STARD13: variants seen among roughly 807,000 people sequenced by gnomAD.
STARD13 encodes the protein stAR-related lipid transfer protein 13.
STARD13 carries 62 observed loss-of-function variants against 106.4 expected under a neutral mutation model. That is an observed-to-expected ratio of 0.58 (90% CI 0.48 to 0.72). STARD13 has a LOEUF of 0.72. Among genes scored for constraint, STARD13 ranks in the 30% least tolerant of loss-of-function variants. The pLI is 0.00. For missense variants in STARD13, 1,387 were observed against 1,424.0 expected, an observed-to-expected ratio of 0.97 and a Z score of 0.42; for synonymous variants, 565 against 553.0, an observed-to-expected ratio of 1.02 and a Z score of -0.31.
At chr13:33,602,088 A>C in the STARD13 span, among the ~76,000 whole-genome samples, 12 of 146,182 alleles carry the variant, frequency 8.2e-5, no homozygotes, top group Admixed American at 6.9e-4. Flanking sequence ...AACATCTAGT[A>C]ATTCTTTTTT....
At chr13:33,216,690 G>A (rs532729059) in intron 1 of STARD13, among the ~76,000 whole-genome samples, 8 of 152,156 alleles carry the variant, frequency 5.3e-5, no homozygotes, top group South Asian at 2.1e-4. Context: ...ACCAAACACC[G>A]CCTATTCTCC....
the STARD13 span, among the ~76,000 whole-genome samples, chr13:33,623,428 T>TAAAAAAAAAA: frequency 8.4e-5 from 5 of 59,282 alleles, no homozygotes; most frequent in Admixed American, 2.0e-4. Flanking sequence ...CTCAATAAAG[T>TAAAAAAAAAA]AAAAAAAAAA....
chr13:33,142,142 A>C (rs762101628), intron 4 of STARD13, among the ~76,000 whole-genome samples, 168 bp downstream of exon 4: 1 of 152,066 alleles, frequency 6.6e-6, no homozygotes, highest in Non-Finnish European at 1.5e-5. Context: ...AATGCCCCCA[A>C]CTCAGCCTCT....
chr13:33,299,680 G>A (rs1892637479), intron 1 of STARD13, among the ~76,000 whole-genome samples: 1 of 152,178 alleles, frequency 6.6e-6, no homozygotes, highest in African/African-American at 2.4e-5. Flanking sequence ...CATCTGCACT[G>A]TCCTTTTACC....
chr13:33,109,824 G>A (rs373113162), intron 12 of STARD13, 49 bp downstream of exon 12: 32 of 1,575,298 alleles, frequency 2.0e-5, no homozygotes, highest in Middle Eastern at 1.7e-4. Flanking sequence ...TCTACAGTTC[G>A]CGTCCTGCCT....
the STARD13 span, among the ~76,000 whole-genome samples, chr13:33,421,218 A>T: frequency 3.7e-3 from 559 of 152,358 alleles, 5 homozygotes; most frequent in African/African-American, 0.012. Context: ...AAAGAAGAAC[A>T]GAGAGAAGAA....
At chr13:33,248,251 T>C (rs1169265514) in intron 1 of STARD13, among the ~76,000 whole-genome samples, 1 of 151,934 alleles carries the variant, frequency 6.6e-6, no homozygotes, top group Non-Finnish European at 1.5e-5. Flanking sequence ...AATAAAAAAT[T>C]AGCTGGGTGT....
the STARD13 span, among the ~76,000 whole-genome samples, chr13:33,443,221 CA>C: frequency 6.6e-6 from 1 of 151,668 alleles, no homozygotes; most frequent in Non-Finnish European, 1.5e-5. Context: ...ACTAAAAATA[CA>C]AAAAATTAGC....
intron 1 of STARD13, among the ~76,000 whole-genome samples, chr13:33,266,635 C>T (rs992337437): frequency 5.9e-5 from 9 of 152,276 alleles, no homozygotes; most frequent in Middle Eastern, 3.4e-3. Flanking sequence ...CGATTTTGCC[C>T]GGTGGAAATA....
At chr13:33,661,964 A>G in the STARD13 span, among the ~76,000 whole-genome samples, 1 of 152,216 alleles carries the variant, frequency 6.6e-6, no homozygotes, top group East Asian at 1.9e-4. Context: ...ATATGTCATC[A>G]TTAAAGTAAT....
the STARD13 span, among the ~76,000 whole-genome samples, chr13:33,449,583 C>A: frequency 6.6e-6 from 1 of 152,070 alleles, no homozygotes; most frequent in African/African-American, 2.4e-5. Flanking sequence ...TTTGGCTATT[C>A]AGGATCTTTT....
intron 1 of STARD13, among the ~76,000 whole-genome samples, chr13:33,241,698 G>A (rs1889514005): frequency 2.0e-5 from 3 of 151,996 alleles, no homozygotes; most frequent in South Asian, 2.1e-4. Context: ...GCGCCGCCAC[G>A]CCTGACTGGT....
At chr13:33,216,789 T>A (rs944230519) in intron 1 of STARD13, among the ~76,000 whole-genome samples, 1 of 152,186 alleles carries the variant, frequency 6.6e-6, no homozygotes, top group Non-Finnish European at 1.5e-5. Context: ...CAACCATAAC[T>A]GAAGCATGCC....
At chr13:33,121,569 A>AC (rs1402638080) in intron 7 of STARD13, among the ~76,000 whole-genome samples, 4 of 124,100 alleles carry the variant, frequency 3.2e-5, no homozygotes, top group African/African-American at 1.2e-4. Context: ...CTCCACCTCA[A>AC]AAAAAAAAAA....
chr13:33,483,946 C>T, the STARD13 span, among the ~76,000 whole-genome samples: 2 of 152,188 alleles, frequency 1.3e-5, no homozygotes, highest in African/African-American at 2.4e-5. Context: ...GACATTTGCC[C>T]AATAAAAGTC....
chr13:33,223,142 T>C (rs1888443426), intron 1 of STARD13, among the ~76,000 whole-genome samples: 1 of 152,230 alleles, frequency 6.6e-6, no homozygotes, highest in Admixed American at 6.5e-5. Flanking sequence ...TGTCCTAGAT[T>C]ACCCAGCCTG....
At chr13:33,545,322 C>G in the STARD13 span, among the ~76,000 whole-genome samples, 1 of 151,888 alleles carries the variant, frequency 6.6e-6, no homozygotes, top group African/African-American at 2.4e-5. Context: ...ATCTCGATCT[C>G]CTGACCTCGT....
chr13:33,549,615 A>G, the STARD13 span, among the ~76,000 whole-genome samples: 3 of 152,202 alleles, frequency 2.0e-5, no homozygotes, highest in African/African-American at 7.2e-5. Flanking sequence ...CATCATCACT[A>G]TTATCATAAT....
In STARD13 at chr13:33,130,221, C is replaced by T. The variant is rs1333848419; in HGVS notation, c.456G>A (p.Arg152=). 1 of 1,610,694 alleles carries T rather than the reference C, an allele frequency of 6.2e-7. No homozygotes were observed. The highest frequency in any genetic ancestry group is 8.5e-7 in the Non-Finnish European group (1 of 1,179,932). ...NKWTFQRTSR[R]WSRVDDLYTL... is the part of the protein sequence containing the mutation. ...TGTAGAGGTCGTCCACACGAGACCA[C>T]CTGCGACTGGTTCTTTGGAAAGTCC... Residue 152 remains arginine (R), a synonymous_variant, in exon 5 of 14, where the codon AGG becomes AGA. Coordinates refer to ENST00000336934, the MANE Select transcript of STARD13 (RefSeq NM_178006.4). The surrounding 1 kb of genome is among the most constrained non-coding windows in gnomAD (Gnocchi z 4.1).
Sources: gnomAD v4.1 joint callset for allele counts (sites outside exome capture counted in the v4.1 genomes callset) on GRCh38, gnomAD v4.1.1 for gene constraint, Gnocchi (gnomAD v3.1) non-coding constraint, MANE v1.5 for transcripts, NCBI Gene and HGNC (gene_info 2026-07-23, HGNC 2026-07-21) for gene names.